Variants in IKZF1 observed in about 807,000 individuals in gnomAD.
IKZF1 encodes IKAROS family zinc finger 1.
IKZF1 carries 10 observed loss-of-function variants against 51.7 expected under a neutral mutation model. The observed-to-expected ratio is 0.19, with a 90% CI of 0.12 to 0.33. IKZF1 has a LOEUF of 0.33. IKZF1 is among the 10% of genes least tolerant of loss of function. IKZF1 has a pLI of 1.00. For synonymous variants in IKZF1, 280 were observed against 282.3 expected (o/e 0.99, Z 0.08); for missense variants, 484 against 707.5 (o/e 0.68, Z 3.58).
At chr7:50,315,631 G>A (rs921574993) in intron 1 of IKZF1, among the ~76,000 whole-genome samples, 1 of 152,140 alleles carries the variant, frequency 6.6e-6, no homozygotes. Context: ...AAATTGTTTG[G>A]GTTTCCCAGG....
chr7:50,332,062 T>G (rs1796545473), intron 3 of IKZF1, among the ~76,000 whole-genome samples: 1 of 152,166 alleles, frequency 6.6e-6, no homozygotes, highest in Admixed American at 6.5e-5. Flanking sequence ...GAGGATGCAC[T>G]CAGTGACCTC....
At chr7:50,380,358 C>G (rs550675350) in intron 4 of IKZF1, among the ~76,000 whole-genome samples, 1 of 152,234 alleles carries the variant, frequency 6.6e-6, no homozygotes, top group African/African-American at 2.4e-5. Context: ...CTGCCCTGCT[C>G]TGCTCTGCAG....
At chr7:50,365,029 A>G (rs1194438098) in intron 3 of IKZF1, among the ~76,000 whole-genome samples, 1 of 152,220 alleles carries the variant, frequency 6.6e-6, no homozygotes, top group Non-Finnish European at 1.5e-5. Context: ...AAACACACTT[A>G]TGTGTGTCCC....
At chr7:50,337,828 G>A (rs1175471769) in intron 3 of IKZF1, among the ~76,000 whole-genome samples, 2 of 152,160 alleles carry the variant, frequency 1.3e-5, no homozygotes, top group African/African-American at 2.4e-5. Flanking sequence ...GGGTGAGACT[G>A]TCCCTCCCAT....
At chr7:50,389,875 C>T (rs1447035715) in intron 6 of IKZF1, among the ~76,000 whole-genome samples, 1 of 152,124 alleles carries the variant, frequency 6.6e-6, no homozygotes, top group African/African-American at 2.4e-5. Flanking sequence ...TCTAAGAACC[C>T]CTTGTCTGTG....
In IKZF1 at chr7:50,400,416, G is replaced by A. The variant is rs2153519343; in HGVS notation, c.1349G>A (p.Arg450His). The A allele has an allele frequency of 6.2e-7, 1 of 1,613,718 alleles. No individual in the cohort carries two copies. Among genetic ancestry groups the A allele is most frequent in the South Asian group, 1.1e-5 (1 of 91,080 alleles). Residue 450 changes from arginine (R) to histidine (H), a missense_variant, in exon 8 of 8, where the codon CGC (arginine) becomes CAC (histidine). Coordinates refer to ENST00000331340, the MANE Select transcript of IKZF1 (RefSeq NM_006060.6). This position sits in a 1 kb window ranked among gnomAD's most constrained non-coding sequence, Gnocchi z 5.4. ...AASENSQDAL[R>H]VVSTSGEQMK... ...TCCGAGAACTCGCAGGACGCGCTCC[G>A]CGTGGTCAGCACCAGCGGGGAGCAG...
At chr7:50,306,002 C>G (rs138173801) in intron 1 of IKZF1, among the ~76,000 whole-genome samples, 13 of 152,166 alleles carry the variant, frequency 8.5e-5, no homozygotes, top group Non-Finnish European at 1.8e-4. Context: ...TTGTACTCAT[C>G]TTTTATATGG....
rs561435391 is a variant in IKZF1 at position 50,316,593 on chromosome 7, C to G, written c.-14-2455C>G. Among the ~76,000 whole-genome samples, 10 of 152,342 alleles carry G rather than the reference C, an allele frequency of 6.6e-5. No homozygotes were observed. The South Asian group carries it at 2.1e-3, about 32-fold the overall frequency. On this transcript the variant is annotated intron_variant, in intron 1 of 7. Coordinates refer to ENST00000331340, the MANE Select transcript of IKZF1 (RefSeq NM_006060.6). ...TCCCTCCAGGAGACTGGTGCGGGGA[C>G]TGTTTGCAAATGACTGCAAAAGTAA...
rs568499660 is a variant in IKZF1, at chr7:50,364,582, C to T, written c.161-11951C>T. Among the ~76,000 whole-genome samples the T allele has an allele frequency of 2.4e-4, 37 of 152,344 alleles. 1 individual carries two copies. In the South Asian group the frequency reaches 7.5e-3, roughly 31 times the overall value. On this transcript the variant is annotated intron_variant, in intron 3 of 7. Coordinates refer to ENST00000331340, the MANE Select transcript of IKZF1 (RefSeq NM_006060.6). ...ATCCCACAGTGACTGCTTCTTATGA[C>T]AAGCAAGAGGGTCAACTTAGAGGCA...
chr7:50,387,431 T>C lies in IKZF1; in HGVS notation c.676T>C (p.Tyr226His). The C allele has an allele frequency of 1.2e-6, 2 of 1,612,832 alleles. No individual in the cohort carries two copies. The highest frequency in any genetic ancestry group is 8.5e-7 in the Non-Finnish European group (1 of 1,179,436). The change falls in exon 6 of 8, where the codon TAC (tyrosine) becomes CAC (histidine). Residue 226 changes from tyrosine (Y) to histidine (H), a missense_variant. By Grantham distance (83) the Tyr-to-His change is moderately conservative. Transcript: ENST00000331340. Reference protein sequence around the residue: ...LEEHKERCHNYLESMGLPGTL... With the variant: ...LEEHKERCHNHLESMGLPGTL... ...GGAACATAAAGAGCGCTGCCACAAC[T>C]ACTTGGAAAGCATGGGCCTTCCGGG...
At chr7:50,308,668 C>G (rs2153326279) in intron 1 of IKZF1, 1 of 152,368 alleles carries the variant, frequency 6.6e-6, no homozygotes, top group East Asian at 1.9e-4. Context: ...ACGGTCTTCC[C>G]TCCTTTTTTG....
chr7:50,328,920 A>G (rs1185952880), intron 3 of IKZF1: 1 of 152,004 alleles, frequency 6.6e-6, no homozygotes, highest in Non-Finnish European at 1.5e-5. Flanking sequence ...AAAAATACAA[A>G]AAATTAGCCG....
intron 1 of IKZF1, among the ~76,000 whole-genome samples, chr7:50,309,118 G>T (rs1483263292): frequency 6.6e-6 from 1 of 152,220 alleles, no homozygotes. Context: ...TCCACCTCCT[G>T]ATAGCTCGTG....
At chr7:50,342,608 A>C (rs1170376546) in intron 3 of IKZF1, among the ~76,000 whole-genome samples, 2 of 152,032 alleles carry the variant, frequency 1.3e-5, no homozygotes, top group Non-Finnish European at 2.9e-5. Flanking sequence ...TGCTTTTGCA[A>C]CCTGATAAAG....
intron 3 of IKZF1, among the ~76,000 whole-genome samples, chr7:50,336,972 C>T (rs964089308): frequency 3.9e-5 from 6 of 152,156 alleles, no homozygotes; most frequent in Non-Finnish European, 5.9e-5. Context: ...TTGTGTGATT[C>T]GGGTAAAATT....
chr7:50,305,009 T>C (rs1027942659), intron 1 of IKZF1, 87 bp downstream of exon 1: 1 of 150,400 alleles, frequency 6.6e-6, no homozygotes, highest in Non-Finnish European at 1.5e-5. Flanking sequence ...AGAAAAGCGG[T>C]AAGGTTGGTA....
At chr7:50,357,733 C>T (rs2153440960) in intron 3 of IKZF1, among the ~76,000 whole-genome samples, 1 of 152,302 alleles carries the variant, frequency 6.6e-6, no homozygotes, top group South Asian at 2.1e-4. Context: ...ATTCAGAGGG[C>T]CTCATTTCAT....
At chr7:50,321,956 G>C (rs1793472238) in intron 2 of IKZF1, among the ~76,000 whole-genome samples, 3 of 152,166 alleles carry the variant, frequency 2.0e-5, no homozygotes, top group Admixed American at 2.0e-4. Context: ...AATTTAGTTT[G>C]TGTACACTTA....
At chr7:50,371,444 T>A (rs550141753) in intron 3 of IKZF1, among the ~76,000 whole-genome samples, 1 of 152,296 alleles carries the variant, frequency 6.6e-6, no homozygotes, top group Non-Finnish European at 1.5e-5. Context: ...TTCTTCTAGG[T>A]AAAGGAAAAG....
Sources: allele counts gnomAD v4.1 joint callset (sites outside exome capture counted in the v4.1 genomes callset), GRCh38; gene constraint gnomAD v4.1.1; non-coding constraint Gnocchi (gnomAD v3.1); transcripts MANE v1.5; gene names NCBI Gene and HGNC (gene_info 2026-07-23, HGNC 2026-07-21).